The following HGF variants were observed in gnomAD, a reference collection of about 807,000 sequenced individuals.
The protein encoded by HGF is hepatocyte growth factor, also known as fibroblast-derived tumor cytotoxic factor.
Under a neutral mutation model 111.6 loss-of-function variants are expected in HGF, and 39 were observed. The ratio of observed to expected loss-of-function variants is 0.35; its 90% CI spans 0.27 to 0.46. HGF has a LOEUF of 0.46. HGF is among the 20% of genes least tolerant of loss of function. The probability of loss-of-function intolerance (pLI) is 1.00; values close to 1 mark genes in which losing one functional copy is unlikely to be tolerated. For synonymous variants in HGF, 285 were observed against 294.8 expected (o/e 0.97, Z 0.34); for missense variants, 735 against 910.5 (o/e 0.81, Z 2.48).
rs759091309 is a variant in HGF at position 81,762,658 on chromosome 7, G to A, written c.254+49C>T. 32 of 1,256,110 alleles carry A rather than the reference G, an allele frequency of 2.5e-5. No homozygotes were observed. In the Middle Eastern group the frequency reaches 7.7e-4, roughly 30 times the overall value. 77.8% of individuals were successfully genotyped at this position (1,256,110 alleles called of 1,614,324 possible). On this transcript the variant is annotated intron_variant, in intron 2 of 17. Transcript: ENST00000222390. ...CAAAAGACACATGATTATAATACAT[G>A]CATGCTATATTTGGAAAATTATTCT...
chr7:81,740,426 A>G (rs981667395), intron 7 of HGF, among the ~76,000 whole-genome samples: 1 of 152,196 alleles, frequency 6.6e-6, no homozygotes, highest in Non-Finnish European at 1.5e-5. Flanking sequence ...ACACTGCATA[A>G]TCTTCTCCCC....
intron 9 of HGF, among the ~76,000 whole-genome samples, chr7:81,721,648 C>A (rs1191545923): frequency 2.0e-5 from 3 of 152,098 alleles, no homozygotes; most frequent in Non-Finnish European, 2.9e-5. Context: ...GATTTATTTT[C>A]TCATGAATAA....
chr7:81,742,920 C>T, intron 7 of HGF: 1 of 1,613,240 alleles, frequency 6.2e-7, no homozygotes. Context: ...AGAAGAAGTT[C>T]ACCATCAGTT....
At chr7:81,760,684 T>C (rs200731400) in intron 2 of HGF, among the ~76,000 whole-genome samples, 152 of 13,296 alleles carry the variant, frequency 0.011, 3 homozygotes, top group African/African-American at 0.026. Context: ...TGCGTGCGTG[T>C]GTGTGTGTGT....
chr7:81,746,690 A>G (rs939601137), intron 5 of HGF, among the ~76,000 whole-genome samples: 27 of 152,140 alleles, frequency 1.8e-4, no homozygotes, highest in Admixed American at 1.5e-3. Flanking sequence ...GCAGCTTGTG[A>G]TAGTATATTC....
At chr7:81,746,579 A>G (rs908928231) in intron 5 of HGF, among the ~76,000 whole-genome samples, 1 of 152,228 alleles carries the variant, frequency 6.6e-6, no homozygotes, top group African/African-American at 2.4e-5. Flanking sequence ...ACAATAGAGT[A>G]CTAGGGTCAC....
chr7:81,740,255 A>G (rs1193372047), intron 7 of HGF, among the ~76,000 whole-genome samples: 1 of 152,162 alleles, frequency 6.6e-6, no homozygotes, highest in Non-Finnish European at 1.5e-5. Context: ...TTGTTTTGGA[A>G]ACATTGAAAA....
chr7:81,725,243 A>G (rs971617382), intron 9 of HGF, among the ~76,000 whole-genome samples: 7 of 152,200 alleles, frequency 4.6e-5, no homozygotes, highest in African/African-American at 1.4e-4. Context: ...ATTTTAGCCC[A>G]ATTGCCTCTC....
chr7:81,743,645 T>G (rs1788099803), intron 6 of HGF, among the ~76,000 whole-genome samples, 174 bp from the exon 7 acceptor site: 1 of 152,256 alleles, frequency 6.6e-6, no homozygotes. Flanking sequence ...ATCTACTAAT[T>G]TATATATCCC....
Position 81,758,797 on chromosome 7 carries a change from C to T in HGF, c.262G>A (p.Val88Ile). 1 of 1,605,312 alleles carries T rather than the reference C, an allele frequency of 6.2e-7. No homozygotes were observed. Among genetic ancestry groups the T allele is most frequent in the Non-Finnish European group, 8.5e-7 (1 of 1,172,786 alleles). Residue 88 changes from valine (V) to isoleucine (I), a missense_variant, in exon 3 of 18, where the codon GTT (valine) becomes ATT (isoleucine). Val to Ile is a conservative substitution (Grantham distance 29). Coordinates refer to ENST00000222390, the MANE Select transcript of HGF (RefSeq NM_000601.6). Reference protein sequence around the residue: ...KGLPFTCKAFVFDKARKQCLW... With the variant: ...KGLPFTCKAFIFDKARKQCLW... ...CATTGTTTTCTTGCTTTATCAAAAA[C>T]AAAAGCCCTGAAAAAAATATCAGAA...
At chr7:81,711,346 A>T (rs980560459) in intron 12 of HGF, 135 bp downstream of exon 12, 1 of 469,836 alleles carries the variant, frequency 2.1e-6, no homozygotes, top group Non-Finnish European at 3.8e-6. Flanking sequence ...TATATTTTAA[A>T]AAGTAAAAAT....
At chr7:81,760,805 G>T (rs1424744938) in intron 2 of HGF, among the ~76,000 whole-genome samples, 1 of 151,562 alleles carries the variant, frequency 6.6e-6, no homozygotes, top group Non-Finnish European at 1.5e-5. Context: ...TGCACAGGTT[G>T]CCATAAATTT....
At chr7:81,758,550 T>C in intron 3 of HGF, 142 bp downstream of exon 3, 1 of 639,578 alleles carries the variant, frequency 1.6e-6, no homozygotes, top group South Asian at 1.8e-5. Context: ...GTTTCAACTG[T>C]CTTAATGGAT....
chr7:81,765,486 G>C (rs1211471730), intron 1 of HGF, among the ~76,000 whole-genome samples: 2 of 151,840 alleles, frequency 1.3e-5, no homozygotes, highest in Admixed American at 6.6e-5. Flanking sequence ...GAAATGAAAA[G>C]CTTGTCTGGG....
chr7:81,726,162 TA>T lies in HGF; in HGVS notation c.1041-146del, dbSNP rs765212708. 227 of 772,016 alleles carry T rather than the reference TA, an allele frequency of 2.9e-4. 3 individuals are homozygous for T. Among genetic ancestry groups the T allele is most frequent in the South Asian group, 1.9e-3 (132 of 68,496 alleles). 47.8% of individuals were successfully genotyped at this position (772,016 alleles called of 1,614,324 possible). A position where few individuals can be genotyped will look rare whatever the true frequency, so the allele number is the denominator to read the frequency against. On this transcript the variant is annotated intron_variant, in intron 8 of 17. Coordinates refer to ENST00000222390, the MANE Select transcript of HGF (RefSeq NM_000601.6). ...TGGACTCAGAATAGCTATAACAATT[TA>T]ATATTCAGTATACATAACTGACTCT...
intron 7 of HGF, among the ~76,000 whole-genome samples, chr7:81,741,721 C>A (rs1308230293): frequency 1.3e-5 from 2 of 151,526 alleles, no homozygotes; most frequent in Non-Finnish European, 2.9e-5. Flanking sequence ...GGCAGATCAC[C>A]TGAGGTCGGG....
intron 17 of HGF, among the ~76,000 whole-genome samples, chr7:81,704,692 T>A (rs1562870141): frequency 6.6e-6 from 1 of 151,812 alleles, no homozygotes; most frequent in Non-Finnish European, 1.5e-5. Context: ...ATCATTGAAC[T>A]CATTTCATCT....
intron 9 of HGF, among the ~76,000 whole-genome samples, chr7:81,724,763 G>A (rs1009916418): frequency 6.6e-6 from 1 of 152,122 alleles, no homozygotes; most frequent in Non-Finnish European, 1.5e-5. Context: ...TGGTAGTTGT[G>A]TTTTAAGTTT....
chr7:81,728,439 A>C (rs1192889747), intron 8 of HGF, among the ~76,000 whole-genome samples: 1 of 152,216 alleles, frequency 6.6e-6, no homozygotes, highest in Admixed American at 6.5e-5. Flanking sequence ...GTTAACAAAA[A>C]TGTGAATGGC....
Sources: gnomAD v4.1 joint callset for allele counts (sites outside exome capture counted in the v4.1 genomes callset) on GRCh38, gnomAD v4.1.1 for gene constraint, MANE v1.5 for transcripts, NCBI Gene and HGNC (gene_info 2026-07-23, HGNC 2026-07-21) for gene names.